CNTN4: variants seen among roughly 807,000 people sequenced by gnomAD.
CNTN4 encodes contactin-4.
Under a neutral mutation model 122.5 loss-of-function variants are expected in CNTN4, and 77 were observed. The ratio of observed to expected loss-of-function variants is 0.63; its 90% CI spans 0.52 to 0.76. The LOEUF is 0.76. Ranked by LOEUF, CNTN4 falls within the 30% of genes least tolerant of loss-of-function variation. The pLI is 0.00. For synonymous variants in CNTN4, 512 were observed against 447.0 expected (o/e 1.15, Z -1.83); for missense variants, 1,256 against 1,259.1 (o/e 1.00, Z 0.04).
At chr3:2,668,706 T>C (rs2084317918) in intron 4 of CNTN4, among the ~76,000 whole-genome samples, 2 of 152,220 alleles carry the variant, frequency 1.3e-5, no homozygotes, top group South Asian at 4.1e-4. Context: ...TTTTGCCCAT[T>C]CAGTATGATA....
At chr3:2,636,940 GTT>G (rs34067643) in intron 4 of CNTN4, among the ~76,000 whole-genome samples, 3 of 95,104 alleles carry the variant, frequency 3.2e-5, no homozygotes, top group Admixed American at 1.3e-4. Flanking sequence ...TTTTTTTTTG[GTT>G]TTTTTTTTTT....
intron 6 of CNTN4, among the ~76,000 whole-genome samples, chr3:2,754,744 T>G (rs1307112801): frequency 7.2e-6 from 1 of 139,734 alleles, no homozygotes; most frequent in African/African-American, 2.7e-5. Flanking sequence ...CGGAATGAAG[T>G]GAAAAAAAAA....
intron 6 of CNTN4, among the ~76,000 whole-genome samples, chr3:2,793,421 A>G (rs750731145): frequency 1.3e-5 from 2 of 151,894 alleles, no homozygotes; most frequent in African/African-American, 4.8e-5. Flanking sequence ...ACCCACAACC[A>G]CTTGGTTTAT....
chr3:2,371,739 G>T (rs531039220), intron 3 of CNTN4, among the ~76,000 whole-genome samples: 1 of 152,128 alleles, frequency 6.6e-6, no homozygotes, highest in East Asian at 1.9e-4. Flanking sequence ...TCAAGAAAAA[G>T]GTTCTGGAAT....
chr3:2,368,268 A>G (rs144386088), intron 3 of CNTN4, among the ~76,000 whole-genome samples: 4,055 of 151,474 alleles, frequency 0.027, 79 homozygotes, highest in Non-Finnish European at 0.043. Context: ...TCCTGACCTC[A>G]TGATCCGCCC....
chr3:2,468,493 T>C (rs1236687962), intron 3 of CNTN4, among the ~76,000 whole-genome samples: 1 of 152,204 alleles, frequency 6.6e-6, no homozygotes, highest in Admixed American at 6.5e-5. Flanking sequence ...TATTATTACA[T>C]TTCAGAAATG....
intron 2 of CNTN4, among the ~76,000 whole-genome samples, chr3:2,168,034 G>A (rs1052405536): frequency 1.3e-5 from 2 of 152,124 alleles, no homozygotes. Context: ...TAGCTAGGCT[G>A]AGCCAGGAGG....
At chr3:2,908,025 C>G (rs2094256833) in intron 12 of CNTN4, among the ~76,000 whole-genome samples, 1 of 152,140 alleles carries the variant, frequency 6.6e-6, no homozygotes, top group East Asian at 1.9e-4. Flanking sequence ...TAGATCTTTT[C>G]TGCTGTCTTA....
intron 2 of CNTN4, among the ~76,000 whole-genome samples, chr3:2,335,034 G>A (rs906537044): frequency 6.6e-6 from 1 of 152,172 alleles, no homozygotes; most frequent in Non-Finnish European, 1.5e-5. Flanking sequence ...GCTATTAGCT[G>A]AGAAGCTCTG....
chr3:2,243,929 T>C (rs2040040440), intron 2 of CNTN4, among the ~76,000 whole-genome samples: 1 of 152,014 alleles, frequency 6.6e-6, no homozygotes, highest in African/African-American at 2.4e-5. Flanking sequence ...TGTAAAAACC[T>C]TGTGAAAAAG....
intron 3 of CNTN4, among the ~76,000 whole-genome samples, chr3:2,493,748 C>G (rs557613142): frequency 6.6e-6 from 1 of 152,104 alleles, no homozygotes; most frequent in East Asian, 1.9e-4. Context: ...GGTCATGTGG[C>G]TAAATTTTGT....
intron 4 of CNTN4, among the ~76,000 whole-genome samples, chr3:2,727,162 T>A (rs962707271): frequency 2.6e-5 from 4 of 152,132 alleles, no homozygotes; most frequent in African/African-American, 9.7e-5. Flanking sequence ...CAGAAGCCAT[T>A]TGGGTCAGAA....
intron 13 of CNTN4, among the ~76,000 whole-genome samples, chr3:2,959,150 T>C (rs1211232531): frequency 6.6e-6 from 1 of 152,154 alleles, no homozygotes; most frequent in Non-Finnish European, 1.5e-5. Flanking sequence ...AACTATTCCT[T>C]TGGGCAAGGA....
intron 3 of CNTN4, among the ~76,000 whole-genome samples, chr3:2,504,316 C>T (rs2076676709): frequency 6.6e-6 from 1 of 152,050 alleles, no homozygotes; most frequent in African/African-American, 2.4e-5. Flanking sequence ...ATTTTTCTAC[C>T]ATCTTCATGT....
In CNTN4 at chr3:3,034,613, G is replaced by A. The variant is rs1206735378; in HGVS notation, c.1784-19G>A. ...TTTGAATACACTGCTCCAATTCTGG[G>A]GGTCTTGCTCTTTCCCAGGTCCTCC... On this transcript the variant is annotated intron_variant, in intron 16 of 24. Transcript: ENST00000418658. 7 of 1,613,738 alleles carry A rather than the reference G, an allele frequency of 4.3e-6. No homozygotes were observed. In the African/African-American group the frequency reaches 8.0e-5, roughly 18 times the overall value.
chr3:2,815,600 T>C (rs2092707756), intron 6 of CNTN4, among the ~76,000 whole-genome samples: 1 of 152,062 alleles, frequency 6.6e-6, no homozygotes, highest in Non-Finnish European at 1.5e-5. Context: ...TTGGTGTAGA[T>C]GCAGTAAACA....
At chr3:2,380,057 C>CAAAAAA (rs5846182) in intron 3 of CNTN4, among the ~76,000 whole-genome samples, 68 of 119,798 alleles carry the variant, frequency 5.7e-4, no homozygotes, top group African/African-American at 2.0e-3. Context: ...AACTCCATCT[C>CAAAAAA]AAAAAAAAAA....
intron 6 of CNTN4, among the ~76,000 whole-genome samples, chr3:2,800,026 G>A (rs1478573938): frequency 6.7e-6 from 1 of 148,830 alleles, no homozygotes; most frequent in Non-Finnish European, 1.5e-5. Flanking sequence ...TGCTGTTTTG[G>A]CTACTGATAG....
chr3:3,054,924 CTG>C (rs1701647719), intron 24 of CNTN4, among the ~76,000 whole-genome samples: 1 of 152,074 alleles, frequency 6.6e-6, no homozygotes, highest in African/African-American at 2.4e-5. Context: ...AGATTTCAGT[CTG>C]GAGATTAGGG....
Sources: allele counts gnomAD v4.1 joint callset (sites outside exome capture counted in the v4.1 genomes callset), GRCh38; gene constraint gnomAD v4.1.1; transcripts MANE v1.5; gene names NCBI Gene and HGNC (gene_info 2026-07-23, HGNC 2026-07-21).